The following COL5A2 variants were observed in gnomAD, a reference collection of about 807,000 sequenced individuals.
COL5A2 encodes collagen alpha-2(V) chain.
A neutral mutation model predicts 208.2 loss-of-function variants in COL5A2; 23 were observed. The observed-to-expected ratio is 0.11, with a 90% CI of 0.08 to 0.16. The LOEUF (loss-of-function observed/expected upper bound fraction) is 0.16. Among genes scored for constraint, COL5A2 ranks in the 10% least tolerant of loss-of-function variants. The pLI, the probability that COL5A2 is intolerant of heterozygous loss-of-function variation, is 1.00. For missense variants in COL5A2, 1,590 were observed against 1,956.4 expected (o/e 0.81, Z 3.53); for synonymous variants, 625 against 628.5 (o/e 0.99, Z 0.08).
the COL5A2 span, among the ~76,000 whole-genome samples, chr2:189,317,400 C>T: frequency 2.9e-3 from 436 of 152,144 alleles, 3 homozygotes; most frequent in African/African-American, 8.8e-3. Context: ...TCTCTGAAAG[C>T]AAGAGTTGCT....
chr2:189,361,793 G>A, the COL5A2 span, among the ~76,000 whole-genome samples: 53 of 150,946 alleles, frequency 3.5e-4, no homozygotes, highest in South Asian at 7.5e-3. Context: ...TATTTGCTTC[G>A]TGGTTACCAT....
intron 2 of COL5A2, among the ~76,000 whole-genome samples, chr2:189,107,912 C>T (rs978071139): frequency 6.6e-6 from 1 of 151,552 alleles, no homozygotes; most frequent in African/African-American, 2.4e-5. Context: ...TTCTTACATG[C>T]CGCTCAGGTT....
At chr2:189,290,486 C>G in the COL5A2 span, among the ~76,000 whole-genome samples, 2 of 152,064 alleles carry the variant, frequency 1.3e-5, no homozygotes, top group Non-Finnish European at 2.9e-5. Context: ...GCTGAGTAGT[C>G]AAATACGTTG....
chr2:189,305,751 C>T, the COL5A2 span, among the ~76,000 whole-genome samples: 1 of 150,648 alleles, frequency 6.6e-6, no homozygotes, highest in Non-Finnish European at 1.5e-5. Context: ...GATCAACAGG[C>T]TAATTGGCGA....
At chr2:189,213,000 T>C (rs895132258) in intron 1 of COL5A2, among the ~76,000 whole-genome samples, 24 of 151,962 alleles carry the variant, frequency 1.6e-4, no homozygotes, top group African/African-American at 5.6e-4. Flanking sequence ...GCAATTCTCC[T>C]GCCTCAGTCT....
chr2:189,361,349 T>C, the COL5A2 span, among the ~76,000 whole-genome samples: 5 of 152,156 alleles, frequency 3.3e-5, no homozygotes, highest in African/African-American at 1.2e-4. Flanking sequence ...GACCCCTTCA[T>C]TATTATATAA....
the COL5A2 span, among the ~76,000 whole-genome samples, chr2:189,352,138 T>C: frequency 6.6e-6 from 1 of 152,170 alleles, no homozygotes; most frequent in Admixed American, 6.5e-5. Context: ...AGTCATCCTT[T>C]TTTCAGGGTT....
chr2:189,068,265 T>G lies in COL5A2; in HGVS notation c.1263A>C (p.Ala421=), dbSNP rs760126169. Residue 421 remains alanine (A), a synonymous_variant, in exon 20 of 54, where the codon GCA becomes GCC. Coordinates refer to ENST00000374866, the MANE Select transcript of COL5A2 (RefSeq NM_000393.5). The part of the protein sequence containing the change: ...GPVGSPGLPG[A]IGTDGTPGAK... ...CACCAGGAGTACCATCAGTTCCTAT[T>G]GCACCCTAAAAGGTACATTAAAAGT... 6.2e-7 allele frequency: 1 copy of G among 1,612,630 alleles called. No homozygotes were observed. Among genetic ancestry groups the G allele is most frequent in the Non-Finnish European group, 8.5e-7 (1 of 1,178,726 alleles).
the COL5A2 span, among the ~76,000 whole-genome samples, chr2:189,362,253 T>G: frequency 2.0e-5 from 3 of 152,278 alleles, no homozygotes; most frequent in South Asian, 4.1e-4. Flanking sequence ...AAATTTTACC[T>G]ATATAATTTT....
At chr2:189,106,128 C>T (rs1255018421) in intron 2 of COL5A2, among the ~76,000 whole-genome samples, 2 of 151,364 alleles carry the variant, frequency 1.3e-5, no homozygotes, top group African/African-American at 4.8e-5. Flanking sequence ...AAAATTTTAA[C>T]TTGCAATATG....
rs1483082695 is a variant in COL5A2 at position 189,045,858 on chromosome 2, G to A, written c.3251C>T (p.Ala1084Val). ...ACCCACAGGGCCAGGAGTTCCAGGG[G>A]CACCCTGAGAGCCTGGCAGACCTGC... is the stretch of plus-strand genomic sequence containing the variant. ...GPAGLPGSQG[A>V]PGTPGPVGAP... The change falls in exon 46 of 54, where the codon GCC becomes GTC. Residue 1084 changes from alanine to valine, a missense_variant. Physicochemically the swap from Ala to Val is moderately conservative, Grantham distance 64. Transcript: ENST00000374866. 2 of 1,614,106 alleles carry A rather than the reference G, an allele frequency of 1.2e-6. No homozygotes were observed. The highest frequency in any genetic ancestry group is 1.7e-6 in the Non-Finnish European group (2 of 1,179,988).
At chr2:189,272,776 C>T in the COL5A2 span, among the ~76,000 whole-genome samples, 12 of 152,084 alleles carry the variant, frequency 7.9e-5, no homozygotes, top group Non-Finnish European at 1.6e-4. Context: ...GATCTCAAAA[C>T]CAGACAATGA....
At chr2:189,049,020 T>C (rs1685726855) in intron 44 of COL5A2, among the ~76,000 whole-genome samples, 1 of 137,534 alleles carries the variant, frequency 7.3e-6, no homozygotes, top group Non-Finnish European at 1.6e-5. Context: ...TTGATAAATA[T>C]GTCATTACAA....
intron 1 of COL5A2, among the ~76,000 whole-genome samples, chr2:189,221,968 T>C (rs915560642): frequency 5.9e-5 from 9 of 152,174 alleles, no homozygotes; most frequent in Middle Eastern, 3.4e-3. Flanking sequence ...TATGAATGTG[T>C]ACATAAGACA....
chr2:189,286,034 T>C, the COL5A2 span, among the ~76,000 whole-genome samples: 2 of 151,998 alleles, frequency 1.3e-5, no homozygotes, highest in African/African-American at 4.8e-5. Flanking sequence ...TACTTTGAAA[T>C]TAAGTGCCTG....
chr2:189,434,100 G>A, the COL5A2 span, among the ~76,000 whole-genome samples: 4 of 151,982 alleles, frequency 2.6e-5, no homozygotes, highest in African/African-American at 9.7e-5. Flanking sequence ...CTCAATAGAC[G>A]CAGAAAAGGC....
At chr2:189,191,313 G>A (rs1576581389) in intron 1 of COL5A2, among the ~76,000 whole-genome samples, 1 of 152,012 alleles carries the variant, frequency 6.6e-6, no homozygotes, top group South Asian at 2.1e-4. Flanking sequence ...TACAGTAAAG[G>A]AGGTAAGAAA....
At chr2:189,413,910 G>T in the COL5A2 span, among the ~76,000 whole-genome samples, 2 of 145,794 alleles carry the variant, frequency 1.4e-5, no homozygotes, top group Non-Finnish European at 3.0e-5. Flanking sequence ...TCCTGCCTCA[G>T]CCTCCCAAGC....
At position 189,066,730 on chromosome 2, in the gene COL5A2, G is replaced by T. The variant is rs145281966; in HGVS notation, c.1454C>A (p.Pro485Gln). ...ATCATTAAAACAATGAAACCTTACT[G>T]GTTCCCCTTTTGGGCCAGCTTCTCC... The part of the protein sequence containing the change: ...FKGEAGPKGE[P>Q]GPHGIQGPIG... Residue 485 changes from proline (P) to glutamine (Q), a missense_variant and splice_region_variant, in exon 22 of 54, where the codon CCA (proline) becomes CAA (glutamine). Transcript: ENST00000374866. 567 of 1,611,898 alleles carry T rather than the reference G, an allele frequency of 3.5e-4. 3 individuals carry two copies. In the African/African-American group the frequency reaches 7.0e-3, roughly 20 times the overall value.
Sources: allele counts gnomAD v4.1 joint callset (sites outside exome capture counted in the v4.1 genomes callset), GRCh38; gene constraint gnomAD v4.1.1; transcripts MANE v1.5; gene names NCBI Gene and HGNC (gene_info 2026-07-23, HGNC 2026-07-21).